Variants in WDPCP observed in about 807,000 individuals in gnomAD.
WDPCP encodes the protein WD repeat-containing and planar cell polarity effector protein fritz homolog.
A neutral mutation model predicts 93.1 loss-of-function variants in WDPCP; 71 were observed. The ratio of observed to expected loss-of-function variants is 0.76; its 90% CI spans 0.63 to 0.93. The LOEUF (loss-of-function observed/expected upper bound fraction) is 0.93. Among genes scored for constraint, WDPCP ranks in the 40% least tolerant of loss-of-function variants. WDPCP has a pLI of 0.00. For missense variants in WDPCP, 844 were observed against 887.4 expected, an observed-to-expected ratio of 0.95 and a Z score of 0.62; for synonymous variants, 315 against 315.0, an observed-to-expected ratio of 1.00 and a Z score of 0.00.
Position 63,279,231 on chromosome 2 carries a change from T to G in WDPCP, c.1813-19822A>C, listed in dbSNP as rs1221704939. Reference sequence around the variant, plus strand: ...CTGATGAACATAGATGCAACAATCCTCAATAAAATACTAGCTAATTGAATC... The same window carrying G: ...CTGATGAACATAGATGCAACAATCCGCAATAAAATACTAGCTAATTGAATC... On this transcript the variant is annotated intron_variant, in intron 13 of 17. Coordinates refer to ENST00000272321, the MANE Select transcript of WDPCP (RefSeq NM_015910.7). 2.0e-5 allele frequency among the ~76,000 whole-genome samples: 3 copies of G among 152,154 alleles called. No individual in the cohort carries two copies. The South Asian group carries it at 6.2e-4, about 32-fold the overall frequency.
At chr2:63,540,556 T>C (rs1704629493) in intron 1 of WDPCP, among the ~76,000 whole-genome samples, 1 of 152,216 alleles carries the variant, frequency 6.6e-6, no homozygotes, top group South Asian at 2.1e-4. Flanking sequence ...GAGATACTAA[T>C]GATGTGCCAG....
chr2:63,360,803 C>G (rs1427959824), intron 12 of WDPCP, among the ~76,000 whole-genome samples: 3 of 152,208 alleles, frequency 2.0e-5, no homozygotes, highest in African/African-American at 7.2e-5. Flanking sequence ...AGCTTTTCTT[C>G]CATTCCAGCT....
chr2:63,359,025 G>A (rs1247442006), intron 12 of WDPCP, among the ~76,000 whole-genome samples: 1 of 151,924 alleles, frequency 6.6e-6, no homozygotes, highest in Non-Finnish European at 1.5e-5. Context: ...TTATTTCTAT[G>A]TATACCTATC....
intron 12 of WDPCP, among the ~76,000 whole-genome samples, chr2:63,377,006 A>G (rs1179983470): frequency 1.3e-5 from 2 of 151,906 alleles, no homozygotes; most frequent in Non-Finnish European, 2.9e-5. Context: ...AGTTAAAAAT[A>G]GTTACCAAAC....
At chr2:63,402,457 A>T (rs1208215532) in intron 10 of WDPCP, among the ~76,000 whole-genome samples, 2 of 152,320 alleles carry the variant, frequency 1.3e-5, no homozygotes, top group East Asian at 1.9e-4. Context: ...CATTCTGCAC[A>T]TGTATCCTGG....
intron 14 of WDPCP, among the ~76,000 whole-genome samples, chr2:63,192,755 G>A (rs1201003833): frequency 6.6e-6 from 1 of 152,162 alleles, no homozygotes; most frequent in Non-Finnish European, 1.5e-5. Flanking sequence ...AAATGGCACT[G>A]TTTCTCTGGT....
At chr2:63,363,080 A>G (rs116492140) in intron 12 of WDPCP, among the ~76,000 whole-genome samples, 2,365 of 152,260 alleles carry the variant, frequency 0.016, 63 homozygotes, top group African/African-American at 0.054. Context: ...TAATATGGAC[A>G]AAATAATTAT....
intron 14 of WDPCP, among the ~76,000 whole-genome samples, chr2:63,253,253 A>G (rs1193325432): frequency 1.3e-5 from 2 of 152,208 alleles, no homozygotes; most frequent in East Asian, 3.8e-4. Flanking sequence ...TTAAATAATT[A>G]AATGTATGAC....
chr2:63,528,578 C>G (rs1031973438), intron 1 of WDPCP, among the ~76,000 whole-genome samples: 3 of 152,094 alleles, frequency 2.0e-5, no homozygotes, highest in African/African-American at 4.8e-5. Flanking sequence ...TGGTCTATAT[C>G]TCTGTTTTGG....
At chr2:63,336,895 C>CTTTTTT (rs70965120) in intron 12 of WDPCP, among the ~76,000 whole-genome samples, 1 of 122,306 alleles carries the variant, frequency 8.2e-6, no homozygotes, top group African/African-American at 3.2e-5. Context: ...ATGAGAGTCA[C>CTTTTTT]TTTTTTTTTT....
At chr2:63,550,240 C>CACACACA in intron 1 of WDPCP, among the ~76,000 whole-genome samples, 1 of 136,872 alleles carries the variant, frequency 7.3e-6, no homozygotes, top group Non-Finnish European at 1.6e-5. Flanking sequence ...CACACACACA[C>CACACACA]CCTTCCTCTA....
At chr2:63,134,860 C>G (rs1421152127) in intron 17 of WDPCP, among the ~76,000 whole-genome samples, 1 of 152,200 alleles carries the variant, frequency 6.6e-6, no homozygotes, top group Non-Finnish European at 1.5e-5. Flanking sequence ...CTGTGGCTCA[C>G]ACCTGTAACC....
Position 63,620,521 on chromosome 2 carries a change from C to T in WDPCP, n.488+30138G>A, listed in dbSNP as rs1344143351. 5.3e-5 allele frequency among the ~76,000 whole-genome samples: 8 copies of T among 152,318 alleles called. No homozygotes were observed. The East Asian group carries it at 7.7e-4, about 15-fold the overall frequency. On this transcript the variant is annotated intron_variant and non_coding_transcript_variant, in intron 3 of 4. Coordinates refer to the WDPCP transcript ENST00000467687. ...TCCCTGAAAGAAAGGCAGCAGCCCC[C>T]GTCAGGGGCTTACAGATAAAATTCC...
intron 13 of WDPCP, among the ~76,000 whole-genome samples, chr2:63,303,277 C>A (rs916063620): frequency 6.6e-6 from 1 of 152,082 alleles, no homozygotes; most frequent in South Asian, 2.1e-4. Context: ...CATCTAGGGG[C>A]CTAAGGAGTT....
chr2:63,234,080 T>G (rs1679163523), intron 14 of WDPCP, among the ~76,000 whole-genome samples: 1 of 152,176 alleles, frequency 6.6e-6, no homozygotes, highest in Admixed American at 6.6e-5. Flanking sequence ...AACCATAAAA[T>G]GAGATAATGT....
chr2:63,722,670 GC>G (rs1280705214), intron 2 of WDPCP, among the ~76,000 whole-genome samples: 1 of 128,350 alleles, frequency 7.8e-6, no homozygotes, highest in African/African-American at 3.1e-5. Flanking sequence ...GGGGGGGTCA[GC>G]CCCCCGCCCG....
intron 2 of WDPCP, among the ~76,000 whole-genome samples, chr2:63,727,460 G>A (rs1463291710): frequency 6.6e-6 from 1 of 152,132 alleles, no homozygotes; most frequent in Non-Finnish European, 1.5e-5. Flanking sequence ...GTATTTTGTT[G>A]AGGAGTTTTA....
intron 2 of WDPCP, among the ~76,000 whole-genome samples, chr2:63,757,588 G>A (rs1669987950): frequency 6.6e-6 from 1 of 152,150 alleles, no homozygotes; most frequent in South Asian, 2.1e-4. Flanking sequence ...CTCAGAAATA[G>A]AGCAAATCAA....
chr2:63,785,009 G>A (rs188158597), intron 2 of WDPCP, among the ~76,000 whole-genome samples: 112 of 152,232 alleles, frequency 7.4e-4, no homozygotes, highest in African/African-American at 2.5e-3. Context: ...CTACGCTTAC[G>A]CTATGAGAGT....
Sources: allele counts gnomAD v4.1 joint callset (sites outside exome capture counted in the v4.1 genomes callset), GRCh38; gene constraint gnomAD v4.1.1; transcripts MANE v1.5; gene names NCBI Gene and HGNC (gene_info 2026-07-23, HGNC 2026-07-21).